The following UNC13B variants were observed in gnomAD, a reference collection of about 807,000 sequenced individuals.
UNC13B encodes protein unc-13 homolog B.
A neutral mutation model predicts 211.0 loss-of-function variants in UNC13B; 144 were observed. The ratio of observed to expected loss-of-function variants is 0.68; its 90% CI spans 0.60 to 0.78. The LOEUF (loss-of-function observed/expected upper bound fraction) is 0.78, where lower values mean the gene tolerates loss of function less well. Ranked by LOEUF, UNC13B falls within the 30% of genes least tolerant of loss-of-function variation. The pLI is 0.00. For missense variants in UNC13B, 1,777 were observed against 2,002.0 expected (o/e 0.89, Z 2.14); for synonymous variants, 709 against 725.8 (o/e 0.98, Z 0.37).
intron 1 of UNC13B, among the ~76,000 whole-genome samples, chr9:35,192,154 G>A (rs1822694761): frequency 6.6e-6 from 1 of 152,102 alleles, no homozygotes; most frequent in Non-Finnish European, 1.5e-5. Flanking sequence ...TTAAGGTTTG[G>A]AAAATTAACT....
chr9:35,353,398 C>G, intron 11 of UNC13B: 2 of 1,232,246 alleles, frequency 1.6e-6, no homozygotes, highest in Non-Finnish European at 2.0e-6. Flanking sequence ...AGTCAGAGAA[C>G]AGTGATCGAC....
intron 1 of UNC13B, among the ~76,000 whole-genome samples, chr9:35,186,679 G>T (rs189677810): frequency 6.6e-6 from 1 of 151,958 alleles, no homozygotes; most frequent in Non-Finnish European, 1.5e-5. Flanking sequence ...TTGAGAAGGC[G>T]GTGTCTGATT....
chr9:35,243,434 G>T (rs1218029598), intron 6 of UNC13B, 70 bp downstream of exon 6: 2 of 1,503,264 alleles, frequency 1.3e-6, no homozygotes, highest in African/African-American at 2.8e-5. Context: ...AGGTTGCCCA[G>T]GGAGGGGCCC....
chr9:35,317,679 T>G (rs1273880708), intron 11 of UNC13B, among the ~76,000 whole-genome samples: 2 of 150,100 alleles, frequency 1.3e-5, no homozygotes, highest in South Asian at 2.1e-4. Context: ...TGGGCCACCA[T>G]GCCTGGCTAA....
Position 35,320,894 on chromosome 9 carries a change from G to A in UNC13B, c.9414+6905G>A, listed in dbSNP as rs1346565286. On this transcript the variant is annotated intron_variant, in intron 11 of 39. Coordinates refer to ENST00000635942, the MANE Select transcript of UNC13B (RefSeq NM_001371189.2). Reference sequence around the variant, plus strand: ...ATGCTTAACCAGCCAGAGATGCCCCGCATTATTTCCACAGAAGTCTCCATG... The same window carrying A: ...ATGCTTAACCAGCCAGAGATGCCCCACATTATTTCCACAGAAGTCTCCATG... 3.3e-5 allele frequency among the ~76,000 whole-genome samples: 5 copies of A among 152,048 alleles called. No homozygotes were observed. The South Asian group carries it at 6.2e-4, about 19-fold the overall frequency.
chr9:35,403,609 G>T lies in UNC13B; in HGVS notation c.12737+10G>T, dbSNP rs376999363. On this transcript the variant is annotated intron_variant, in intron 39 of 39. Coordinates refer to ENST00000635942, the MANE Select transcript of UNC13B (RefSeq NM_001371189.2). ...ATGAGACATTCCACTTGTAAGTTACGGGGGGGACATACAGGACTCTGGGAT... is the reference window on the plus strand; with the variant it reads ...ATGAGACATTCCACTTGTAAGTTACTGGGGGGACATACAGGACTCTGGGAT... 49 of 1,607,238 alleles carry T rather than the reference G, an allele frequency of 3.0e-5. No homozygotes were observed. Among genetic ancestry groups the T allele is most frequent in the Non-Finnish European group, 3.8e-5 (45 of 1,176,812 alleles).
intron 6 of UNC13B, among the ~76,000 whole-genome samples, chr9:35,257,307 A>AAATATAAATATTTATAAAAATATT (rs1826938457): frequency 1.5e-5 from 2 of 133,034 alleles, no homozygotes; most frequent in Non-Finnish European, 3.3e-5. Flanking sequence ...TATTTATAAA[A>AAATATAAATATTTATAAAAATATT]AATATAAATA....
intron 21 of UNC13B, among the ~76,000 whole-genome samples, chr9:35,383,363 G>A (rs140438003): frequency 1.3e-5 from 2 of 152,204 alleles, no homozygotes; most frequent in Non-Finnish European, 2.9e-5. Flanking sequence ...AAATAATTCT[G>A]ACCCAACACA....
chr9:35,398,006 A>C (rs1564197861), intron 30 of UNC13B, among the ~76,000 whole-genome samples: 1 of 152,178 alleles, frequency 6.6e-6, no homozygotes, highest in Non-Finnish European at 1.5e-5. Context: ...TTAATACTTG[A>C]GTACCTACCA....
intron 1 of UNC13B, chr9:35,227,767 C>T (rs1824937588): frequency 2.5e-6 from 1 of 402,544 alleles, no homozygotes; most frequent in Admixed American, 4.3e-5. Context: ...ACTTAGATCT[C>T]TCCACCTTGT....
At chr9:35,227,100 A>G (rs1393051451) in intron 1 of UNC13B, among the ~76,000 whole-genome samples, 1 of 152,234 alleles carries the variant, frequency 6.6e-6, no homozygotes, top group Non-Finnish European at 1.5e-5. Context: ...TTGAACTGAA[A>G]TGGGACTACA....
chr9:35,203,598 T>C (rs543344371), intron 1 of UNC13B, among the ~76,000 whole-genome samples: 1 of 152,344 alleles, frequency 6.6e-6, no homozygotes, highest in East Asian at 1.9e-4. Flanking sequence ...CATTTTTTCC[T>C]TCATTTCAAC....
In UNC13B at chr9:35,316,196, C is replaced by G. The variant is rs572206676; in HGVS notation, c.9414+2207C>G. On this transcript the variant is annotated intron_variant, in intron 11 of 39. Coordinates refer to ENST00000635942, the MANE Select transcript of UNC13B (RefSeq NM_001371189.2). ...ATGATGGTTGCCAATTGGTAACTTT[C>G]TGTTTCTATTATTCTTTCTATATTA... Among the ~76,000 whole-genome samples, 8 of 152,064 alleles carry G rather than the reference C, an allele frequency of 5.3e-5. No homozygotes were observed. In the South Asian group the frequency reaches 8.3e-4, roughly 16 times the overall value.
At chr9:35,337,126 A>G (rs1473124231) in intron 11 of UNC13B, among the ~76,000 whole-genome samples, 1 of 152,166 alleles carries the variant, frequency 6.6e-6, no homozygotes, top group Non-Finnish European at 1.5e-5. Flanking sequence ...ACGGATTTTA[A>G]GAAAATGAGT....
At chr9:35,176,573 CA>C (rs766488083) in intron 1 of UNC13B, among the ~76,000 whole-genome samples, 17 of 151,820 alleles carry the variant, frequency 1.1e-4, no homozygotes, top group Admixed American at 1.1e-3. Context: ...CAAACAAAAA[CA>C]AAAAAACCCC....
chr9:35,386,343 C>A (rs1395689154), intron 24 of UNC13B, 50 bp downstream of exon 24: 1 of 1,608,834 alleles, frequency 6.2e-7, no homozygotes, highest in East Asian at 2.2e-5. Context: ...CTCTTTGGAG[C>A]CTCAGTTTTC....
intron 37 of UNC13B, among the ~76,000 whole-genome samples, chr9:35,401,527 T>C (rs1238690396): frequency 2.6e-5 from 4 of 152,154 alleles, no homozygotes; most frequent in Admixed American, 6.5e-5. Flanking sequence ...AGCTTTAAGC[T>C]TGATAAAAGA....
chr9:35,382,303 CT>C, intron 20 of UNC13B, 53 bp from the exon 21 acceptor site: 2 of 1,560,214 alleles, frequency 1.3e-6, no homozygotes, highest in Non-Finnish European at 1.7e-6. Context: ...TCCTGCTTGG[CT>C]TTTGCTGCAA....
At chr9:35,342,391 A>G in intron 11 of UNC13B, 1 of 982,590 alleles carries the variant, frequency 1.0e-6, no homozygotes, top group Non-Finnish European at 1.2e-6. Context: ...CAAGCAGGGC[A>G]AAAGGAAAGC....
Sources: allele counts gnomAD v4.1 joint callset (sites outside exome capture counted in the v4.1 genomes callset), GRCh38; gene constraint gnomAD v4.1.1; transcripts MANE v1.5; gene names NCBI Gene and HGNC (gene_info 2026-07-23, HGNC 2026-07-21).